Variants in USP4 observed in about 807,000 individuals in gnomAD.
The protein encoded by USP4 is ubiquitin carboxyl-terminal hydrolase 4.
USP4 carries 72 observed loss-of-function variants against 118.2 expected under a neutral mutation model. The observed-to-expected ratio is 0.61, with a 90% confidence interval of 0.50 to 0.74. The LOEUF (loss-of-function observed/expected upper bound fraction) is 0.74. Ranked by LOEUF, USP4 falls within the 30% of genes least tolerant of loss-of-function variation. USP4 has a pLI of 0.00. For synonymous variants in USP4, 415 were observed against 440.4 expected (o/e 0.94, Z 0.72); for missense variants, 1,037 against 1,185.7 (o/e 0.87, Z 1.84).
chr3:49,311,260 C>A (rs916462473), intron 7 of USP4, among the ~76,000 whole-genome samples: 2 of 152,106 alleles, frequency 1.3e-5, no homozygotes, highest in Non-Finnish European at 2.9e-5. Flanking sequence ...ATGCAGTGAC[C>A]CCCCCACCCT....
chr3:49,282,652 ATCTAT>A (rs1372415744), intron 19 of USP4, among the ~76,000 whole-genome samples: 1 of 152,030 alleles, frequency 6.6e-6, no homozygotes, highest in Non-Finnish European at 1.5e-5. Context: ...TACTTCATGT[ATCTAT>A]TCTTTCCCCC....
At position 49,292,602 on chromosome 3, in the gene USP4, C is replaced by A. The variant is rs1559467057; in HGVS notation, c.1884-4G>T. On this transcript the variant is annotated splice_polypyrimidine_tract_variant and splice_region_variant and intron_variant, in intron 14 of 21. Transcript: ENST00000265560. The stretch of plus-strand genomic sequence containing the variant: ...TAAAGGCTGTTTCACATAGCGGCTT[C>A]AAAAAGAGAAAAAGAGAAGAAAAAA... The A allele has an allele frequency of 1.9e-6, 3 of 1,562,420 alleles. No individual in the cohort carries two copies. Among genetic ancestry groups the A allele is most frequent in the East Asian group, 2.3e-5 (1 of 43,042 alleles).
chr3:49,280,980 G>A (rs1286942700), intron 19 of USP4, 133 bp from the exon 20 acceptor site: 4 of 646,590 alleles, frequency 6.2e-6, no homozygotes, highest in Non-Finnish European at 1.1e-5. Context: ...GAGAGACCAA[G>A]ATGGAAGGGA....
chr3:49,298,478 C>T, intron 12 of USP4, 74 bp downstream of exon 12: 1 of 1,491,516 alleles, frequency 6.7e-7, no homozygotes, highest in East Asian at 2.3e-5. Context: ...AAAGTGGCTT[C>T]AAGGTTGAAA....
intron 1 of USP4, 126 bp from the exon 2 acceptor site, chr3:49,335,722 C>A (rs1382745403): frequency 2.7e-6 from 3 of 1,100,354 alleles, no homozygotes; most frequent in African/African-American, 3.1e-5. Context: ...AAAACACTGT[C>A]ACAAGAGCAA....
chr3:49,302,652 A>G, intron 9 of USP4, 110 bp from the exon 10 acceptor site: 1 of 1,103,228 alleles, frequency 9.1e-7, no homozygotes, highest in South Asian at 1.6e-5. Flanking sequence ...GCAGTGAGAG[A>G]GAACACTTGG....
intron 13 of USP4, among the ~76,000 whole-genome samples, chr3:49,296,650 A>AAAAAT (rs1347319733): frequency 2.6e-5 from 4 of 152,234 alleles, no homozygotes; most frequent in East Asian, 1.9e-4. Flanking sequence ...CTCCGTCTAA[A>AAAAAT]AAAATAAAAT....
intron 6 of USP4, among the ~76,000 whole-genome samples, chr3:49,322,053 G>A (rs1344009581): frequency 6.6e-6 from 1 of 152,026 alleles, no homozygotes. Flanking sequence ...TGCACCAAGT[G>A]ATACATCCAT....
intron 9 of USP4, among the ~76,000 whole-genome samples, chr3:49,303,438 CAAAAAA>C (rs1173726988): frequency 4.3e-5 from 1 of 23,344 alleles, no homozygotes; most frequent in African/African-American, 1.6e-4. Flanking sequence ...AAGGCTGTCT[CAAAAAA>C]AAAAAAAAAA....
At chr3:49,280,647 A>AT (rs1245656545) in intron 20 of USP4, 97 bp downstream of exon 20, 57 of 936,218 alleles carry the variant, frequency 6.1e-5, no homozygotes, top group Non-Finnish European at 9.5e-5. Flanking sequence ...GTGAAACTGC[A>AT]TAAGCAAAGC....
At chr3:49,281,695 C>A (rs2047031116) in intron 19 of USP4, among the ~76,000 whole-genome samples, 3 of 125,088 alleles carry the variant, frequency 2.4e-5, no homozygotes, top group South Asian at 5.3e-4. Flanking sequence ...GCCTGGGCAA[C>A]AAGAGCGTAA....
intron 6 of USP4, chr3:49,317,408 T>C (rs1417673271): frequency 1.0e-6 from 1 of 1,001,946 alleles, no homozygotes; most frequent in Non-Finnish European, 1.6e-6. Context: ...AGCTCCTCTA[T>C]GCATTTGACC....
At chr3:49,317,667 G>A (rs536220416) in intron 6 of USP4, among the ~76,000 whole-genome samples, 2 of 148,512 alleles carry the variant, frequency 1.3e-5, no homozygotes, top group East Asian at 2.0e-4. Context: ...TCAGCCTCCC[G>A]AGTAGCTGGG....
chr3:49,335,080 A>G (rs969737321), intron 2 of USP4, among the ~76,000 whole-genome samples: 3 of 152,216 alleles, frequency 2.0e-5, no homozygotes, highest in African/African-American at 7.2e-5. Context: ...ATTCTTGATG[A>G]AAGTTCACAG....
At chr3:49,303,009 C>A (rs1049950321) in intron 9 of USP4, among the ~76,000 whole-genome samples, 3 of 152,150 alleles carry the variant, frequency 2.0e-5, no homozygotes, top group Non-Finnish European at 1.5e-5. Context: ...GGTCCCCAGT[C>A]GCAGCATTAG....
intron 15 of USP4, among the ~76,000 whole-genome samples, chr3:49,288,443 C>T (rs1009884814): frequency 6.6e-6 from 1 of 151,434 alleles, no homozygotes; most frequent in Non-Finnish European, 1.5e-5. Context: ...GGGAGGCTGA[C>T]GCAGGTGGAT....
chr3:49,286,246 C>G lies in USP4; in HGVS notation c.2052G>C (p.Glu684Asp), dbSNP rs369375022. The part of the protein sequence containing the change: ...LSETEGSGED[E>D]PGNDPSETTQ... ...TGGTCTCACTGGGGTCATTTCCTGG[C>G]TCATCTTCCCCACTGCCTTCTGTTT... is the stretch of plus-strand genomic sequence containing the variant. Residue 684 changes from glutamate to aspartate, a missense_variant, in exon 16 of 22, where the codon GAG becomes GAC. Glu to Asp is a conservative substitution (Grantham distance 45). Around this residue, in one of 3 missense-constraint regions of USP4, gnomAD observed 522 missense variants for 592.6 expected, o/e 0.88. Coordinates refer to ENST00000265560, the MANE Select transcript of USP4 (RefSeq NM_003363.4). 6.2e-7 allele frequency: 1 copy of G among 1,614,044 alleles called. No homozygotes were observed. Among genetic ancestry groups the G allele is most frequent in the African/African-American group, 1.3e-5 (1 of 74,916 alleles).
At chr3:49,282,251 A>T (rs2047038651) in intron 19 of USP4, among the ~76,000 whole-genome samples, 1 of 152,020 alleles carries the variant, frequency 6.6e-6, no homozygotes, top group African/African-American at 2.4e-5. Context: ...TTATTTAAAA[A>T]TTTTCAAACA....
Position 49,280,855 on chromosome 3 carries a change from C to G in USP4, c.2541-8G>C, listed in dbSNP as rs745998188. The G allele has an allele frequency of 2.5e-6, 4 of 1,612,124 alleles. No homozygotes were observed. Among genetic ancestry groups the G allele is most frequent in the Admixed American group, 1.7e-5 (1 of 59,788 alleles). ...TCGGACATGTTCAGCCCTCTGAGCA[C>G]AAAACACAAAAATAGTTATTGAATA... On this transcript the variant is annotated splice_region_variant and splice_polypyrimidine_tract_variant and intron_variant, in intron 19 of 21. Coordinates refer to ENST00000265560, the MANE Select transcript of USP4 (RefSeq NM_003363.4).
Sources: gnomAD v4.1 joint callset for allele counts (sites outside exome capture counted in the v4.1 genomes callset) on GRCh38, gnomAD v4.1.1 for gene constraint, gnomAD v4.1.1 regional missense constraint, MANE v1.5 for transcripts, NCBI Gene and HGNC (gene_info 2026-07-23, HGNC 2026-07-21) for gene names.